ZFHX4: variants seen among roughly 807,000 people sequenced by gnomAD.
ZFHX4 encodes zinc finger homeobox 4.
In ZFHX4, 56 loss-of-function variants were observed where a neutral mutation model predicts 267.6. The observed-to-expected ratio is 0.21, with a 90% CI of 0.17 to 0.26. The LOEUF is 0.26. Ranked by LOEUF, ZFHX4 falls within the 10% of genes least tolerant of loss-of-function variation. The pLI is 1.00. For missense variants in ZFHX4, 4,332 were observed against 4,420.0 expected (o/e 0.98, Z 0.56); for synonymous variants, 1,778 against 1,665.6 (o/e 1.07, Z -1.64).
chr8:76,864,659 C>A lies in ZFHX4; in HGVS notation c.*94C>A. 1 of 875,094 alleles carries A rather than the reference C, an allele frequency of 1.1e-6. No homozygotes were observed. The highest frequency in any genetic ancestry group is 1.7e-6 in the Non-Finnish European group (1 of 596,742). 54.2% of individuals were successfully genotyped at this position (875,094 alleles called of 1,614,324 possible). A position where few individuals can be genotyped will look rare whatever the true frequency, so the allele number is the denominator to read the frequency against. On this transcript the variant is annotated 3_prime_UTR_variant, in exon 11 of 11. Transcript: ENST00000651372. Reference sequence around the variant, plus strand: ...CTGCAGTTCCAAAGCTTCTCTAACCCAAAAATTACAGTACCAAATGATTGA... The same window carrying A: ...CTGCAGTTCCAAAGCTTCTCTAACCAAAAAATTACAGTACCAAATGATTGA...
intron 1 of ZFHX4, among the ~76,000 whole-genome samples, chr8:76,690,163 T>C (rs1424805226): frequency 6.6e-6 from 1 of 151,996 alleles, no homozygotes; most frequent in Non-Finnish European, 1.5e-5. Context: ...CATTTATAGG[T>C]TTCATTGTGT....
At chr8:76,728,410 T>G (rs1419938239) in intron 3 of ZFHX4, among the ~76,000 whole-genome samples, 2 of 152,204 alleles carry the variant, frequency 1.3e-5, no homozygotes, top group African/African-American at 4.8e-5. Context: ...TTCCTTTCAT[T>G]AGAGCAAATT....
chr8:76,807,178 AT>A (rs1385054360), intron 4 of ZFHX4, among the ~76,000 whole-genome samples: 1 of 151,938 alleles, frequency 6.6e-6, no homozygotes, highest in East Asian at 1.9e-4. Context: ...TTATCTGAAC[AT>A]TTGAATCTGT....
At chr8:76,738,791 T>C (rs189618336) in intron 3 of ZFHX4, among the ~76,000 whole-genome samples, 233 of 151,558 alleles carry the variant, frequency 1.5e-3, no homozygotes, top group African/African-American at 5.3e-3. Flanking sequence ...TGGAGTGCAA[T>C]GTAGCTTTGA....
intron 1 of ZFHX4, among the ~76,000 whole-genome samples, chr8:76,702,021 T>G (rs1012610259): frequency 6.6e-6 from 1 of 152,184 alleles, no homozygotes; most frequent in African/African-American, 2.4e-5. Context: ...CTGCCTTCAG[T>G]ATGAATACGT....
chr8:76,788,894 G>A (rs1233675927), intron 4 of ZFHX4, among the ~76,000 whole-genome samples: 1 of 152,216 alleles, frequency 6.6e-6, no homozygotes, highest in Non-Finnish European at 1.5e-5. Context: ...TAAGGGAACT[G>A]ATCAGATTAT....
At position 76,855,987 on chromosome 8, in the gene ZFHX4, C is replaced by T. The variant is rs1563566153; in HGVS notation, c.9066C>T (p.Ile3022=). ...TGAAGTACTCTGCCCGCTTGTCCAT[C>T]AGAGATCACATTTTCTCCAAACAGC... The part of the protein sequence containing the change: ...CGVKYSARLS[I]RDHIFSKQHI... Residue 3022 remains isoleucine, a synonymous_variant, in exon 10 of 11, where the codon ATC becomes ATT. Coordinates refer to ENST00000651372, the MANE Select transcript of ZFHX4 (RefSeq NM_024721.5). 1 of 1,613,964 alleles carries T rather than the reference C, an allele frequency of 6.2e-7. No individual in the cohort carries two copies. The highest frequency in any genetic ancestry group is 8.5e-7 in the Non-Finnish European group (1 of 1,179,880).
intron 3 of ZFHX4, among the ~76,000 whole-genome samples, chr8:76,734,409 A>G (rs1180857188): frequency 6.6e-6 from 1 of 152,186 alleles, no homozygotes; most frequent in East Asian, 1.9e-4. Flanking sequence ...TCTTTATTCT[A>G]ATACAGTACA....
rs1410520010 is a variant in ZFHX4 at position 76,863,558 on chromosome 8, G to A, written c.9844G>A (p.Val3282Met). Residue 3282 changes from valine (V) to methionine (M), a missense_variant, in exon 11 of 11, where the codon GTG becomes ATG. By Grantham distance (21) the Val-to-Met change is conservative (BLOSUM62 1). Coordinates refer to ENST00000651372, the MANE Select transcript of ZFHX4 (RefSeq NM_024721.5). ...TTTTACACCTCAGCTCCCTGGAACA[G>A]TGCAGGGGGGATACTTCCCACCTGT... is the stretch of plus-strand genomic sequence containing the variant. Reference protein sequence around the residue: ...SYFTPQLPGTVQGGYFPPVCG... With the variant: ...SYFTPQLPGTMQGGYFPPVCG... 1 of 1,613,846 alleles carries A rather than the reference G, an allele frequency of 6.2e-7. No individual in the cohort carries two copies. Among genetic ancestry groups the A allele is most frequent in the Non-Finnish European group, 8.5e-7 (1 of 1,179,824 alleles).
In ZFHX4 at chr8:76,863,419, A is replaced by G. The variant is rs534985682; in HGVS notation, c.9705A>G (p.Glu3235=). The G allele has an allele frequency of 3.1e-6, 5 of 1,613,988 alleles. No individual in the cohort carries two copies. The African/African-American group carries it at 5.3e-5, about 17-fold the overall frequency. ...ALSVLGKVVG[E]THVDPIQLQA... ...CAGTGTTGGGCAAAGTTGTAGGTGA[A>G]ACACATGTCGATCCTATTCAGTTGC... Residue 3235 remains glutamate (E), a synonymous_variant, in exon 11 of 11, where the codon GAA becomes GAG. Coordinates refer to ENST00000651372, the MANE Select transcript of ZFHX4 (RefSeq NM_024721.5).
intron 5 of ZFHX4, among the ~76,000 whole-genome samples, chr8:76,835,118 G>A (rs1812036754): frequency 6.7e-6 from 1 of 149,346 alleles, no homozygotes; most frequent in South Asian, 2.1e-4. Flanking sequence ...AAGTCAAAGA[G>A]CCTAGTTGAT....
Position 76,852,389 on chromosome 8 carries a change from A to G in ZFHX4, c.5468A>G (p.Gln1823Arg), listed in dbSNP as rs1812557617. ...QKQQQQPPPP[Q>R]QQQQQQASKL... Reference sequence around the variant, plus strand: ...CAACAGCAGCAGCCACCACCTCCACAGCAGCAGCAGCAACAGCAGGCAAGC... The same window carrying G: ...CAACAGCAGCAGCCACCACCTCCACGGCAGCAGCAGCAACAGCAGGCAAGC... The change falls in exon 10 of 11, where the codon CAG becomes CGG. Residue 1823 changes from glutamine to arginine, a missense_variant. Physicochemically the swap from Gln to Arg is conservative, Grantham distance 43 (BLOSUM62 1). Around this residue, in one of 7 missense-constraint regions of ZFHX4, gnomAD observed 1,371 missense variants for 1,423.1 expected, o/e 0.96. Transcript: ENST00000651372. The G allele has an allele frequency of 6.4e-7, 1 of 1,553,098 alleles. No individual in the cohort carries two copies. The highest frequency in any genetic ancestry group is 8.7e-7 in the Non-Finnish European group (1 of 1,147,286).
At chr8:76,820,810 G>T (rs1323311591) in intron 4 of ZFHX4, among the ~76,000 whole-genome samples, 1 of 152,084 alleles carries the variant, frequency 6.6e-6, no homozygotes. Flanking sequence ...AATGGTGTTG[G>T]CTCATAGCTA....
At chr8:76,696,101 A>G (rs1222715007) in intron 1 of ZFHX4, among the ~76,000 whole-genome samples, 1 of 152,184 alleles carries the variant, frequency 6.6e-6, no homozygotes, top group East Asian at 1.9e-4. Context: ...CATGACTTGT[A>G]GTTTCTCCAC....
chr8:76,779,456 T>C (rs1038839677), intron 4 of ZFHX4, among the ~76,000 whole-genome samples: 1 of 152,146 alleles, frequency 6.6e-6, no homozygotes, highest in Non-Finnish European at 1.5e-5. Context: ...AGCATTCTTA[T>C]CTACTGTAGG....
At position 76,855,083 on chromosome 8, in the gene ZFHX4, G is replaced by A. The variant is rs756937981; in HGVS notation, c.8162G>A (p.Gly2721Glu). ...PSPLISTEDG[G>E]ESPQKYIYFD... ...CCTTTAATATCCACCGAAGATGGGG[G>A]AGAAAGCCCACAGAAATACATCTAT... is the stretch of plus-strand genomic sequence containing the variant. The change falls in exon 10 of 11, where the codon GGA becomes GAA. Residue 2721 changes from glycine (G) to glutamate (E), a missense_variant. Gly to Glu is a moderately conservative substitution (Grantham distance 98, BLOSUM62 -2). Coordinates refer to ENST00000651372, the MANE Select transcript of ZFHX4 (RefSeq NM_024721.5). 56 of 1,613,730 alleles carry A rather than the reference G, an allele frequency of 3.5e-5. No homozygotes were observed. The highest frequency in any genetic ancestry group is 4.7e-5 in the Non-Finnish European group (55 of 1,179,838).
chr8:76,751,593 CT>C (rs1331109000), intron 3 of ZFHX4, among the ~76,000 whole-genome samples: 10 of 152,136 alleles, frequency 6.6e-5, no homozygotes, highest in Non-Finnish European at 4.4e-5. Flanking sequence ...CTTTACTTCA[CT>C]TTTACCAGAA....
At chr8:76,745,581 A>T (rs1490700919) in intron 3 of ZFHX4, among the ~76,000 whole-genome samples, 1 of 81,966 alleles carries the variant, frequency 1.2e-5, no homozygotes, top group African/African-American at 1.2e-4. Flanking sequence ...TTTCTAAAAG[A>T]TATATATATA....
At chr8:76,818,035 G>C (rs1488361285) in intron 4 of ZFHX4, among the ~76,000 whole-genome samples, 2 of 152,174 alleles carry the variant, frequency 1.3e-5, no homozygotes, top group African/African-American at 4.8e-5. Context: ...GGAGTTTAGA[G>C]GCTGCCTAGA....
Sources: gnomAD v4.1 joint callset for allele counts (sites outside exome capture counted in the v4.1 genomes callset) on GRCh38, gnomAD v4.1.1 for gene constraint, gnomAD v4.1.1 regional missense constraint, MANE v1.5 for transcripts, NCBI Gene and HGNC (gene_info 2026-07-23, HGNC 2026-07-21) for gene names.